Variants in LRRC74A observed in about 807,000 individuals in gnomAD.
LRRC74A encodes the protein leucine rich repeat containing 74A, also known as leucine-rich repeat-containing protein 74A.
Under a neutral mutation model 57.9 loss-of-function variants are expected in LRRC74A, and 44 were observed. The ratio of observed to expected loss-of-function variants is 0.76; its 90% CI spans 0.60 to 0.98. LRRC74A has a LOEUF of 0.98. Ranked by LOEUF, LRRC74A falls within the 50% of genes least tolerant of loss-of-function variation. The pLI, the probability that LRRC74A is intolerant of heterozygous loss-of-function variation, is 0.00. For synonymous variants in LRRC74A, 211 were observed against 219.4 expected, an observed-to-expected ratio of 0.96 and a Z score of 0.34; for missense variants, 572 against 574.0, an observed-to-expected ratio of 1.00 and a Z score of 0.04.
At chr14:76,843,015 G>C (rs1896877390) in intron 5 of LRRC74A, among the ~76,000 whole-genome samples, 1 of 152,132 alleles carries the variant, frequency 6.6e-6, no homozygotes, top group Admixed American at 6.5e-5. Context: ...AAATTATAAA[G>C]ACACCAGGTG....
chr14:76,836,791 CA>C (rs11339843), intron 4 of LRRC74A, among the ~76,000 whole-genome samples: 46,741 of 92,516 alleles, frequency 0.51, 9,204 homozygotes, highest in East Asian at 0.79. Context: ...GACTCCATCT[CA>C]AAAAAAAAAA....
In LRRC74A at chr14:76,853,397, TCA is replaced by T. The variant is rs1265295290; in HGVS notation, c.945_946del (p.Arg316SerfsTer33). ...AAAGGACTGGAATCCAATGAAAGCC[TCA>T]GAGTTCTGAAGGTAGTCTTCAGCTG... On this transcript the variant is annotated frameshift_variant, in exon 9 of 14. Coordinates refer to ENST00000689127, the MANE Select transcript of LRRC74A (RefSeq NM_001385106.1). LOFTEE classifies it high-confidence loss of function. 1.2e-6 allele frequency: 2 copies of T among 1,606,758 alleles called. No homozygotes were observed. The highest frequency in any genetic ancestry group is 2.2e-5 in the East Asian group (1 of 44,756).
Position 76,844,432 on chromosome 14 carries a change from T to C in LRRC74A, c.554T>C (p.Phe185Ser), listed in dbSNP as rs1896983568. 1 of 1,612,658 alleles carries C rather than the reference T, an allele frequency of 6.2e-7. No homozygotes were observed. Among genetic ancestry groups the C allele is most frequent in the Non-Finnish European group, 8.5e-7 (1 of 1,179,448 alleles). ...ACCACCCTCACTACAGGAAATGACT[T>C]CAAGGAAGACTCCGCAGCACTGCTC... The part of the protein sequence containing the change: ...IWSLELSGND[F>S]KEDSAALLCQ... Residue 185 changes from phenylalanine to serine, a missense_variant, in exon 6 of 14, where the codon TTC becomes TCC. Coordinates refer to ENST00000689127, the MANE Select transcript of LRRC74A (RefSeq NM_001385106.1).
At chr14:76,838,237 A>C (rs1896509034) in intron 5 of LRRC74A, among the ~76,000 whole-genome samples, 1 of 152,226 alleles carries the variant, frequency 6.6e-6, no homozygotes. Context: ...CTATTAATTA[A>C]CTGGAACCAC....
intron 9 of LRRC74A, among the ~76,000 whole-genome samples, chr14:76,856,186 T>C (rs1882840): frequency 0.042 from 6,464 of 152,298 alleles, 300 homozygotes; most frequent in East Asian, 0.11. Flanking sequence ...TGCCTACTCT[T>C]TTCTTCTTTG....
At chr14:76,834,894 C>A (rs911738060) in intron 3 of LRRC74A, among the ~76,000 whole-genome samples, 1 of 152,164 alleles carries the variant, frequency 6.6e-6, no homozygotes, top group Non-Finnish European at 1.5e-5. Context: ...AGAGCTGAGA[C>A]CAGAAGACAT....
chr14:76,851,306 C>T (rs925415153), intron 7 of LRRC74A, among the ~76,000 whole-genome samples: 4 of 152,206 alleles, frequency 2.6e-5, no homozygotes, highest in Non-Finnish European at 4.4e-5. Context: ...TGTTTTCCAG[C>T]TACTTCTGTC....
At chr14:76,861,557 C>T (rs1195624498) in intron 11 of LRRC74A, among the ~76,000 whole-genome samples, 1 of 151,260 alleles carries the variant, frequency 6.6e-6, no homozygotes, top group African/African-American at 2.4e-5. Context: ...GAGAAACACT[C>T]GAGTCCTTTG....
At chr14:76,851,903 A>T (rs1032307315) in intron 7 of LRRC74A, among the ~76,000 whole-genome samples, 2 of 151,590 alleles carry the variant, frequency 1.3e-5, no homozygotes, top group Non-Finnish European at 2.9e-5. Context: ...TGACTTCGTG[A>T]TCTGCCCATG....
At chr14:76,828,994 T>C in intron 2 of LRRC74A, 1 of 1,288,064 alleles carries the variant, frequency 7.8e-7, no homozygotes, top group African/African-American at 1.5e-5. Flanking sequence ...CCTACTTTTC[T>C]TGATAAATCT....
chr14:76,829,882 A>AG (rs1451797655), intron 2 of LRRC74A, among the ~76,000 whole-genome samples: 1 of 152,118 alleles, frequency 6.6e-6, no homozygotes, highest in Non-Finnish European at 1.5e-5. Flanking sequence ...TCTAGAGAAA[A>AG]GGGGGAGACG....
chr14:76,835,227 A>C (rs1334563707), intron 3 of LRRC74A, among the ~76,000 whole-genome samples: 1 of 152,158 alleles, frequency 6.6e-6, no homozygotes, highest in Non-Finnish European at 1.5e-5. Flanking sequence ...TCACGCCTGT[A>C]ATCTCAGCAC....
chr14:76,839,645 C>T (rs986408842), intron 5 of LRRC74A, among the ~76,000 whole-genome samples: 5 of 152,162 alleles, frequency 3.3e-5, no homozygotes, highest in African/African-American at 1.2e-4. Context: ...TTCAGAAGCT[C>T]ACTTCCACTT....
rs1566719452 is a variant in LRRC74A, at chr14:76,836,251, C to T, written c.384C>T (p.Ile128=). ...AACTGGAGCTGGAAGACAATTGCAT[C>T]ATGGAGGAGGGCGTCTTGAGCCTGG... The part of the protein sequence containing the change: ...VTKLELEDNC[I]MEEGVLSLVE... Residue 128 remains isoleucine, a synonymous_variant, in exon 4 of 14, where the codon ATC becomes ATT. Coordinates refer to ENST00000689127, the MANE Select transcript of LRRC74A (RefSeq NM_001385106.1). The T allele has an allele frequency of 1.2e-5, 20 of 1,613,902 alleles. No individual in the cohort carries two copies. Among genetic ancestry groups the T allele is most frequent in the Non-Finnish European group, 1.7e-5 (20 of 1,179,842 alleles).
chr14:76,841,480 A>G (rs1180422018), intron 5 of LRRC74A, among the ~76,000 whole-genome samples: 1 of 152,164 alleles, frequency 6.6e-6, no homozygotes, highest in East Asian at 1.9e-4. Context: ...AAGTAATAGT[A>G]GTCTTGGCTA....
chr14:76,864,410 A>AG lies in LRRC74A; in HGVS notation c.1201-1545dup, dbSNP rs533189641. Among the ~76,000 whole-genome samples the AG allele has an allele frequency of 1.8e-4, 9 of 50,234 alleles. No individual in the cohort carries two copies. The East Asian group carries it at 2.3e-3, about 13-fold the overall frequency. The allele number at this position is 50,234 out of a possible 152,430, so 33.0% of individuals were successfully genotyped here. On this transcript the variant is annotated intron_variant, in intron 11 of 13. Coordinates refer to ENST00000689127, the MANE Select transcript of LRRC74A (RefSeq NM_001385106.1). Reference sequence around the variant, plus strand: ...CTGGGAGTTTCTGAGAGTGAGAGGAAGGGGGGGGGGGGGTGGCGGGGGGAA... The same window carrying AG: ...CTGGGAGTTTCTGAGAGTGAGAGGAAGGGGGGGGGGGGGGTGGCGGGGGGAA...
At chr14:76,854,504 G>T (rs1897745047) in intron 9 of LRRC74A, among the ~76,000 whole-genome samples, 1 of 152,208 alleles carries the variant, frequency 6.6e-6, no homozygotes, top group African/African-American at 2.4e-5. Context: ...CTACTTGGGA[G>T]GCTGAGGCAG....
chr14:76,836,745 C>T (rs1896371697), intron 4 of LRRC74A, among the ~76,000 whole-genome samples: 1 of 141,292 alleles, frequency 7.1e-6, no homozygotes, highest in Admixed American at 7.3e-5. Flanking sequence ...GAGCTGAGAT[C>T]GCACCACAGC....
At chr14:76,862,263 G>A (rs1898367955) in intron 11 of LRRC74A, among the ~76,000 whole-genome samples, 1 of 152,212 alleles carries the variant, frequency 6.6e-6, no homozygotes, top group Non-Finnish European at 1.5e-5. Context: ...AGGCACGGTG[G>A]CTATGCCTGT....
Sources: allele counts gnomAD v4.1 joint callset (sites outside exome capture counted in the v4.1 genomes callset), GRCh38; gene constraint gnomAD v4.1.1; transcripts MANE v1.5; gene names NCBI Gene and HGNC (gene_info 2026-07-23, HGNC 2026-07-21).